Variants in KCNT2 observed in about 807,000 individuals in gnomAD.
KCNT2 encodes the protein potassium sodium-activated channel subfamily T member 2.
A neutral mutation model predicts 153.8 loss-of-function variants in KCNT2; 67 were observed. The observed-to-expected ratio is 0.44, with a 90% CI of 0.36 to 0.53. The LOEUF (loss-of-function observed/expected upper bound fraction) is 0.53. Ranked by LOEUF, KCNT2 falls within the 20% of genes least tolerant of loss-of-function variation. KCNT2 has a pLI of 0.00. For synonymous variants in KCNT2, 500 were observed against 458.8 expected, an observed-to-expected ratio of 1.09 and a Z score of -1.15; for missense variants, 975 against 1,354.8, an observed-to-expected ratio of 0.72 and a Z score of 4.40.
chr1:196,423,334 T>C (rs1558271845), intron 11 of KCNT2, among the ~76,000 whole-genome samples: 1 of 151,920 alleles, frequency 6.6e-6, no homozygotes, highest in Non-Finnish European at 1.5e-5. Flanking sequence ...TAACTTAATG[T>C]TTTATGACAA....
intron 5 of KCNT2, among the ~76,000 whole-genome samples, chr1:196,473,946 G>A (rs1678308557): frequency 6.6e-6 from 1 of 151,862 alleles, no homozygotes; most frequent in Non-Finnish European, 1.5e-5. Context: ...TTTTCATGAA[G>A]GAGATAAAAA....
intron 22 of KCNT2, among the ~76,000 whole-genome samples, chr1:196,293,135 T>C (rs1660354127): frequency 6.6e-6 from 1 of 152,022 alleles, no homozygotes; most frequent in Admixed American, 6.6e-5. Flanking sequence ...CACAAATAAA[T>C]CTAAAGCGTT....
At chr1:196,370,920 A>G (rs940040948) in intron 14 of KCNT2, among the ~76,000 whole-genome samples, 1 of 152,242 alleles carries the variant, frequency 6.6e-6, no homozygotes, top group Non-Finnish European at 1.5e-5. Context: ...CTTGAAAAAC[A>G]TTATGTACAA....
intron 8 of KCNT2, among the ~76,000 whole-genome samples, chr1:196,450,465 C>T (rs1286909359): frequency 6.6e-6 from 1 of 151,876 alleles, no homozygotes; most frequent in East Asian, 1.9e-4. Flanking sequence ...TAATGAACTC[C>T]TTATTTCCAT....
At chr1:196,563,438 C>CAAAAAA (rs1157847804) in intron 1 of KCNT2, among the ~76,000 whole-genome samples, 2 of 59,254 alleles carry the variant, frequency 3.4e-5, no homozygotes, top group Non-Finnish European at 3.5e-5. Context: ...TCCCCAATAA[C>CAAAAAA]AAAAAAAAAA....
At chr1:196,359,621 C>T (rs1268259216) in intron 14 of KCNT2, among the ~76,000 whole-genome samples, 1 of 151,684 alleles carries the variant, frequency 6.6e-6, no homozygotes, top group Non-Finnish European at 1.5e-5. Flanking sequence ...GAAATTACAA[C>T]CTCATAAGTA....
chr1:196,596,996 G>T (rs1220142950), intron 1 of KCNT2, among the ~76,000 whole-genome samples: 1 of 152,054 alleles, frequency 6.6e-6, no homozygotes, highest in Non-Finnish European at 1.5e-5. Flanking sequence ...CACCCACCCA[G>T]CCCTTACAAA....
At chr1:196,518,263 A>G (rs566027102) in intron 1 of KCNT2, among the ~76,000 whole-genome samples, 1 of 152,318 alleles carries the variant, frequency 6.6e-6, no homozygotes, top group South Asian at 2.1e-4. Flanking sequence ...CATCGAAAGA[A>G]GCACTAAATT....
At chr1:196,351,013 T>G (rs1211710865) in intron 14 of KCNT2, among the ~76,000 whole-genome samples, 1 of 152,204 alleles carries the variant, frequency 6.6e-6, no homozygotes, top group East Asian at 1.9e-4. Flanking sequence ...CAGATAGTTG[T>G]AGATATGTGG....
At position 196,570,642 on chromosome 1, in the gene KCNT2, A is replaced by T. The variant is rs145470326; in HGVS notation, c.95+37573T>A. 4.9e-3 allele frequency among the ~76,000 whole-genome samples: 739 copies of T among 152,258 alleles called. 3 individuals are homozygous for T. Among genetic ancestry groups the T allele is most frequent in the African/African-American group, 0.016 (672 of 41,576 alleles). ...ATGCAATGATACTCAAAGAGTCTAC[A>T]GCAGATTAGGGTGCTATACAGAATA... On this transcript the variant is annotated intron_variant, in intron 1 of 27. Transcript: ENST00000294725.
At chr1:196,401,192 AG>A (rs1478169805) in intron 12 of KCNT2, among the ~76,000 whole-genome samples, 7 of 151,958 alleles carry the variant, frequency 4.6e-5, no homozygotes, top group African/African-American at 1.7e-4. Context: ...CTTTATTTTG[AG>A]TTTAAGCAAC....
chr1:196,315,617 A>G (rs923453465), intron 21 of KCNT2, among the ~76,000 whole-genome samples: 4 of 151,714 alleles, frequency 2.6e-5, no homozygotes, highest in Non-Finnish European at 5.9e-5. Context: ...GACTACTAGT[A>G]CACATGATTT....
chr1:196,274,777 G>T (rs1275486158), intron 25 of KCNT2, among the ~76,000 whole-genome samples: 6 of 151,732 alleles, frequency 4.0e-5, no homozygotes, highest in Non-Finnish European at 8.9e-5. Flanking sequence ...TGCTTTAAAA[G>T]ATGTTTTTCT....
At chr1:196,377,960 G>C (rs1423022428) in intron 13 of KCNT2, among the ~76,000 whole-genome samples, 2 of 152,000 alleles carry the variant, frequency 1.3e-5, no homozygotes, top group Non-Finnish European at 2.9e-5. Context: ...GATATGGACA[G>C]GGCAACAAAA....
chr1:196,468,967 T>G (rs1677846763), intron 6 of KCNT2, 27 bp downstream of exon 6: 2 of 1,417,316 alleles, frequency 1.4e-6, no homozygotes, highest in South Asian at 1.2e-5. Context: ...TACAAAAGTG[T>G]TTTTTTAAGG....
At chr1:196,262,451 G>T (rs989666664) in intron 25 of KCNT2, among the ~76,000 whole-genome samples, 2 of 151,886 alleles carry the variant, frequency 1.3e-5, no homozygotes, top group African/African-American at 4.8e-5. Context: ...AAGAAGAAAA[G>T]AAAATGAAAT....
At chr1:196,362,102 G>T (rs189256391) in intron 14 of KCNT2, among the ~76,000 whole-genome samples, 1 of 152,204 alleles carries the variant, frequency 6.6e-6, no homozygotes, top group East Asian at 1.9e-4. Flanking sequence ...ATTTGAGCAT[G>T]CTCCCCCACT....
At chr1:196,490,246 TG>T (rs1048689544) in intron 2 of KCNT2, among the ~76,000 whole-genome samples, 38 of 151,872 alleles carry the variant, frequency 2.5e-4, no homozygotes, top group African/African-American at 8.9e-4. Context: ...GATTAAAGTA[TG>T]TTTATATGTT....
intron 27 of KCNT2, 115 bp downstream of exon 27, chr1:196,235,871 C>T: frequency 1.6e-6 from 1 of 622,188 alleles, no homozygotes; most frequent in South Asian, 2.1e-5. Context: ...TAGGTATAGA[C>T]TATTTAAGCA....
Sources: allele counts gnomAD v4.1 joint callset (sites outside exome capture counted in the v4.1 genomes callset), GRCh38; gene constraint gnomAD v4.1.1; transcripts MANE v1.5; gene names NCBI Gene and HGNC (gene_info 2026-07-23, HGNC 2026-07-21).